The following MKRN2OS variants were observed in gnomAD, a reference collection of about 807,000 sequenced individuals.
MKRN2OS encodes the protein MKRN2 opposite strand.
MKRN2OS carries 17 observed loss-of-function variants against 18.2 expected under a neutral mutation model. That is an observed-to-expected ratio of 0.93 (90% CI 0.64 to 1.40). The LOEUF (loss-of-function observed/expected upper bound fraction) is 1.40. Ranked by LOEUF, MKRN2OS falls within the 40% of genes most tolerant of loss-of-function variation. MKRN2OS has a pLI of 0.00. For missense variants in MKRN2OS, 337 were observed against 283.0 expected (o/e 1.19, Z -1.37); for synonymous variants, 121 against 108.5 (o/e 1.12, Z -0.72).
At chr3:12,548,099 C>T (rs144369609), upstream of MKRN2OS, among the ~76,000 whole-genome samples, 13 of 151,806 alleles carry the variant, frequency 8.6e-5, no homozygotes, top group East Asian at 1.6e-3. Context: ...CACCTGAGGT[C>T]GGGAGTTCAA....
At chr3:12,542,784 T>TG (rs1460749509) in intron 2 of MKRN2OS, among the ~76,000 whole-genome samples, 3 of 150,516 alleles carry the variant, frequency 2.0e-5, no homozygotes, top group Non-Finnish European at 4.4e-5. Context: ...CCCTAGAATG[T>TG]GGGGACCCAG....
Position 12,540,434 on chromosome 3 carries a change from C to G in MKRN2OS, c.432-1G>C, listed in dbSNP as rs1042537631. 2.1e-5 allele frequency: 32 copies of G among 1,535,926 alleles called. No homozygotes were observed. In the Admixed American group the frequency reaches 2.9e-4, roughly 14 times the overall value. On this transcript the variant is annotated splice_acceptor_variant, in intron 3 of 3. Transcript: ENST00000564146. LOFTEE classifies it high-confidence loss of function. The stretch of plus-strand genomic sequence containing the variant: ...GCAGTTATGGTGGTTGTCTTCATAC[C>G]TTATGGAGGAGAATAAGGGTGTTGA...
chr3:12,548,335 C>G (rs1473065734), upstream of MKRN2OS, among the ~76,000 whole-genome samples: 1 of 151,944 alleles, frequency 6.6e-6, no homozygotes, highest in African/African-American at 2.4e-5. Context: ...GCAGTCCCAG[C>G]TACTCGGGAG....
upstream of MKRN2OS, among the ~76,000 whole-genome samples, chr3:12,549,038 G>A (rs1416968188): frequency 7.2e-5 from 11 of 152,080 alleles, no homozygotes; most frequent in African/African-American, 1.2e-4. Context: ...AGGTTGAAGC[G>A]ATCCCTTTGC....
upstream of MKRN2OS, among the ~76,000 whole-genome samples, chr3:12,546,952 A>T (rs2057890341): frequency 6.6e-6 from 1 of 152,140 alleles, no homozygotes; most frequent in South Asian, 2.1e-4. Context: ...CAATTTAAAA[A>T]TAATTTTTAG....
upstream of MKRN2OS, chr3:12,545,617 A>G: frequency 1.8e-6 from 1 of 542,856 alleles, no homozygotes; most frequent in Non-Finnish European, 3.2e-6. Context: ...AGGATTAACC[A>G]GTAGCCAGGC....
intron 1 of MKRN2OS, among the ~76,000 whole-genome samples, chr3:12,558,988 A>G (rs956641413): frequency 6.6e-6 from 1 of 152,216 alleles, no homozygotes; most frequent in African/African-American, 2.4e-5. Flanking sequence ...TGTGAAATCA[A>G]AGTTCATGCC....
chr3:12,552,963 C>G (rs185295736), downstream of MKRN2OS, among the ~76,000 whole-genome samples: 59 of 146,178 alleles, frequency 4.0e-4, 1 homozygote, highest in African/African-American at 8.2e-4. Context: ...TTGCAGTGAG[C>G]CAAGATCACA....
chr3:12,541,956 C>G lies in MKRN2OS; in HGVS notation c.335G>C (p.Ser112Thr), dbSNP rs1158103827. ...CATGTTGGGCTGCAGTAATGGGATG[C>G]TTATGCTCTCTTCCCACCCTTCTCC... ...RDGEGWEESI[S>T]IPLLQPNMYG... The change falls in exon 3 of 4, where the codon AGC (serine) becomes ACC (threonine). Residue 112 changes from serine to threonine, a missense_variant. Physicochemically the swap from Ser to Thr is moderately conservative, Grantham distance 58. Transcript: ENST00000564146. 1.3e-6 allele frequency: 2 copies of G among 1,536,048 alleles called. No individual in the cohort carries two copies. The highest frequency in any genetic ancestry group is 2.4e-5 in the South Asian group (2 of 84,052).
intron 1 of MKRN2OS, chr3:12,557,243 G>A (rs2057983644): frequency 6.6e-7 from 1 of 1,510,328 alleles, no homozygotes; most frequent in Non-Finnish European, 8.8e-7. Flanking sequence ...GTGCGCGCCA[G>A]TGCTGTGGTC....
intron 3 of MKRN2OS, 91 bp from the exon 4 acceptor site, chr3:12,540,524 G>T: frequency 6.8e-7 from 1 of 1,466,744 alleles, no homozygotes; most frequent in Non-Finnish European, 9.2e-7. Flanking sequence ...GAAATCGGGT[G>T]CCTCAGCAAG....
downstream of MKRN2OS, among the ~76,000 whole-genome samples, chr3:12,550,942 A>G (rs919071468): frequency 6.6e-6 from 1 of 152,204 alleles, no homozygotes; most frequent in African/African-American, 2.4e-5. Context: ...AAAGTGTACC[A>G]TTCCAGTCAA....
At chr3:12,557,655 A>G (rs1370311345) in intron 1 of MKRN2OS, among the ~76,000 whole-genome samples, 2 of 152,282 alleles carry the variant, frequency 1.3e-5, no homozygotes, top group African/African-American at 2.4e-5. Flanking sequence ...AGAGTTAACA[A>G]GTAAAAGTTG....
downstream of MKRN2OS, among the ~76,000 whole-genome samples, chr3:12,551,485 A>T (rs60905415): frequency 0.011 from 1,701 of 150,224 alleles, 25 homozygotes; most frequent in African/African-American, 0.04. Flanking sequence ...ACAGAGCAAG[A>T]CTCCATCTCA....
At chr3:12,546,360 A>T (rs1316949358), upstream of MKRN2OS, among the ~76,000 whole-genome samples, 1 of 152,082 alleles carries the variant, frequency 6.6e-6, no homozygotes, top group East Asian at 1.9e-4. Context: ...CAGGAGGGAG[A>T]TACTGACTGG....
At position 12,540,109 on chromosome 3, in the gene MKRN2OS, T is replaced by C. The variant is rs746203653; in HGVS notation, c.*84A>G. The stretch of plus-strand genomic sequence containing the variant: ...CCATACACGCTTTTATTAACCACAG[T>C]TAAATGCATTTAGAAATCCATAGTA... On this transcript the variant is annotated 3_prime_UTR_variant, in exon 4 of 4. Transcript: ENST00000564146. 181 of 1,515,140 alleles carry C rather than the reference T, an allele frequency of 1.2e-4. No individual in the cohort carries two copies. The Middle Eastern group carries it at 1.9e-3, about 16-fold the overall frequency. 93.9% of individuals were successfully genotyped at this position (1,515,140 alleles called of 1,614,324 possible). A position where few individuals can be genotyped will look rare whatever the true frequency, so the allele number is the denominator to read the frequency against.
chr3:12,545,232 TA>T lies in MKRN2OS; in HGVS notation c.218+14del. The stretch of plus-strand genomic sequence containing the variant: ...GTTTGCACAATGCAATTTAACACTG[TA>T]AAAAACACTGTACCTAAGAAATGTC... On this transcript the variant is annotated intron_variant, in intron 1 of 3. Transcript: ENST00000564146. The T allele has an allele frequency of 6.6e-7, 1 of 1,517,522 alleles. No homozygotes were observed. 94.0% of individuals were successfully genotyped at this position (1,517,522 alleles called of 1,614,324 possible).
rs573944909 is a variant in MKRN2OS at position 12,556,303 on chromosome 3, A to T, written n.265-2169T>A. Among the ~76,000 whole-genome samples the T allele has an allele frequency of 6.5e-4, 99 of 152,082 alleles. 2 individuals are homozygous for T. The South Asian group carries it at 0.019, about 30-fold the overall frequency. The stretch of plus-strand genomic sequence containing the variant: ...GAGGCGGAGGTTGCAGTGAGCCGAG[A>T]TCGCCCCACTGCACTCCAGCCTGGG... On this transcript the variant is annotated intron_variant and non_coding_transcript_variant, in intron 1 of 1. Coordinates refer to the MKRN2OS transcript ENST00000447550.
At chr3:12,541,136 G>A (rs1344376893) in intron 3 of MKRN2OS, among the ~76,000 whole-genome samples, 7 of 151,946 alleles carry the variant, frequency 4.6e-5, no homozygotes, top group African/African-American at 1.5e-4. Flanking sequence ...CATGCTATAC[G>A]TCTTACAAAA....
Sources: allele counts gnomAD v4.1 joint callset (sites outside exome capture counted in the v4.1 genomes callset), GRCh38; gene constraint gnomAD v4.1.1; transcripts MANE v1.5; gene names NCBI Gene and HGNC (gene_info 2026-07-23, HGNC 2026-07-21).